The following MYOF variants were observed in gnomAD, a reference collection of about 807,000 sequenced individuals.
The protein encoded by MYOF is myoferlin.
In MYOF, 244 loss-of-function variants were observed where a neutral mutation model predicts 284.2. The ratio of observed to expected loss-of-function variants is 0.86; its 90% confidence interval spans 0.77 to 0.95. The LOEUF (loss-of-function observed/expected upper bound fraction) is 0.95, where lower values mean the gene tolerates loss of function less well. MYOF is among the 40% of genes least tolerant of loss of function. MYOF has a pLI of 0.00. For missense variants in MYOF, 2,496 were observed against 2,560.6 expected, an observed-to-expected ratio of 0.97 and a Z score of 0.54; for synonymous variants, 904 against 919.7, an observed-to-expected ratio of 0.98 and a Z score of 0.31.
At chr10:93,402,182 G>A (rs921319114) in intron 11 of MYOF, 50 bp downstream of exon 11, 2 of 1,483,406 alleles carry the variant, frequency 1.3e-6, no homozygotes, top group Non-Finnish European at 1.9e-6. Context: ...TTAACTCTTG[G>A]CCTTCTTTTT....
chr10:93,481,011 A>T lies in MYOF; in HGVS notation c.88+1096T>A, dbSNP rs74379196. Reference sequence around the variant, plus strand: ...CTCTCTGCCTTTCCCTCTCTTTCCCATCCCTCTTGCCAAGAAGTGAGTTGG... The same window carrying T: ...CTCTCTGCCTTTCCCTCTCTTTCCCTTCCCTCTTGCCAAGAAGTGAGTTGG... On this transcript the variant is annotated intron_variant, in intron 1 of 53. Coordinates refer to ENST00000359263, the MANE Select transcript of MYOF (RefSeq NM_013451.4). 6.4e-4 allele frequency among the ~76,000 whole-genome samples: 97 copies of T among 152,186 alleles called. 1 individual carries two copies. The highest frequency in any genetic ancestry group is 2.0e-3 in the African/African-American group (84 of 41,512).
intron 2 of MYOF, among the ~76,000 whole-genome samples, chr10:93,454,049 G>T (rs1028316147): frequency 2.2e-4 from 33 of 152,144 alleles, no homozygotes; most frequent in African/African-American, 7.5e-4. Flanking sequence ...AGGCGTAGTG[G>T]CATATGCCTG....
At chr10:93,329,332 C>G (rs1195184543) in intron 44 of MYOF, among the ~76,000 whole-genome samples, 1 of 152,096 alleles carries the variant, frequency 6.6e-6, no homozygotes, top group Non-Finnish European at 1.5e-5. Flanking sequence ...ACAGGAAATC[C>G]CTGCTATCAA....
intron 42 of MYOF, 68 bp downstream of exon 42, chr10:93,333,690 G>T: frequency 6.4e-7 from 1 of 1,569,458 alleles, no homozygotes; most frequent in South Asian, 1.2e-5. Flanking sequence ...GAAAGAACAT[G>T]ACAATTATTG....
chr10:93,404,426 G>A (rs2134100605), intron 7 of MYOF, among the ~76,000 whole-genome samples: 1 of 152,282 alleles, frequency 6.6e-6, no homozygotes, highest in Non-Finnish European at 1.5e-5. Flanking sequence ...TTGGAAAAAG[G>A]AGAAAAGGGT....
At chr10:93,419,076 G>A (rs1848250789) in intron 5 of MYOF, among the ~76,000 whole-genome samples, 2 of 152,148 alleles carry the variant, frequency 1.3e-5, no homozygotes, top group African/African-American at 4.8e-5. Flanking sequence ...CTACCCTCAG[G>A]AACATGCTTC....
intron 1 of MYOF, among the ~76,000 whole-genome samples, chr10:93,478,540 C>T (rs887285285): frequency 5.9e-5 from 9 of 152,080 alleles, no homozygotes; most frequent in Non-Finnish European, 1.5e-5. Context: ...AGAAGGGTCA[C>T]TCACGGTTGA....
In MYOF at chr10:93,310,537, G is replaced by A; in HGVS notation, c.5996C>T (p.Pro1999Leu). ...GAGAACAAAGAAGGCCTCTCACTTT[G>A]GTAAGTCCAGCTTGGGGTTCATGTT... ...EPNMNPKLDLPNRPETSFLWF... is the reference protein window; with the variant it reads ...EPNMNPKLDLLNRPETSFLWF... Residue 1999 changes from proline (P) to leucine (L), a missense_variant, in exon 52 of 54, where the codon CCA (proline) becomes CTA (leucine). By Grantham distance (98) the Pro-to-Leu change is moderately conservative. This residue lies in a region of MYOF where 2,436 missense variants were observed against 2,480.7 expected (regional missense o/e 0.98). Coordinates refer to ENST00000359263, the MANE Select transcript of MYOF (RefSeq NM_013451.4). 1 of 1,614,038 alleles carries A rather than the reference G, an allele frequency of 6.2e-7. No homozygotes were observed. Among genetic ancestry groups the A allele is most frequent in the Non-Finnish European group, 8.5e-7 (1 of 1,179,964 alleles).
Position 93,353,839 on chromosome 10 carries a change from G to A in MYOF, c.3453C>T (p.Leu1151=). ...AAAAGCTATCCTTATCTAAAGCCAA[G>A]AGGTTTCTGGCTTGATAGACATAGC... The part of the protein sequence containing the change: ...LRCYVYQARN[L]LALDKDSFSD... Residue 1151 remains leucine (L), a synonymous_variant, in exon 32 of 54, where the codon CTC becomes CTT. Coordinates refer to ENST00000359263, the MANE Select transcript of MYOF (RefSeq NM_013451.4). 6.2e-7 allele frequency: 1 copy of A among 1,610,560 alleles called. No individual in the cohort carries two copies.
chr10:93,433,219 G>A (rs972570052), intron 3 of MYOF, among the ~76,000 whole-genome samples: 1 of 152,116 alleles, frequency 6.6e-6, no homozygotes, highest in African/African-American at 2.4e-5. Context: ...GTGCAACGGC[G>A]TGATCTCAGC....
intron 5 of MYOF, among the ~76,000 whole-genome samples, chr10:93,423,559 T>C (rs1283710989): frequency 9.2e-6 from 1 of 109,062 alleles, no homozygotes; most frequent in Non-Finnish European, 1.7e-5. Context: ...AAAAGCCGAG[T>C]GCAGTGGTTT....
At chr10:93,471,686 C>T (rs1447853474) in intron 1 of MYOF, among the ~76,000 whole-genome samples, 2 of 152,088 alleles carry the variant, frequency 1.3e-5, no homozygotes, top group Non-Finnish European at 2.9e-5. Flanking sequence ...GTCAGGAGAT[C>T]GAGACCAGCC....
At chr10:93,477,397 C>T (rs1386274455) in intron 1 of MYOF, among the ~76,000 whole-genome samples, 1 of 151,828 alleles carries the variant, frequency 6.6e-6, no homozygotes, top group African/African-American at 2.4e-5. Flanking sequence ...GAGACTGAGG[C>T]AGGAGAATCA....
intron 1 of MYOF, among the ~76,000 whole-genome samples, chr10:93,473,156 G>C (rs871422): frequency 0.17 from 26,294 of 152,206 alleles, 2,603 homozygotes; most frequent in East Asian, 0.5. Context: ...ACAGAAAGAA[G>C]GGGGTTCTTT....
At chr10:93,325,997 G>A (rs1454043202) in intron 45 of MYOF, 32 bp from the exon 46 acceptor site, 1 of 1,613,566 alleles carries the variant, frequency 6.2e-7, no homozygotes, top group African/African-American at 1.3e-5. Flanking sequence ...AAGCAGGAAT[G>A]AGTATTTGGG....
chr10:93,437,752 A>G (rs1849194836), intron 3 of MYOF, among the ~76,000 whole-genome samples: 1 of 152,122 alleles, frequency 6.6e-6, no homozygotes, highest in Admixed American at 6.5e-5. Flanking sequence ...TCATTTTGGC[A>G]GGCCTATGGC....
intron 16 of MYOF, among the ~76,000 whole-genome samples, chr10:93,394,448 C>CTCTTTTTTTTTTTTT (rs1846871495): frequency 5.2e-4 from 15 of 28,694 alleles, no homozygotes; most frequent in Non-Finnish European, 7.2e-4. Context: ...ACCATCTTGT[C>CTCTTTTTTTTTTTTT]TTTTTTTTTT....
intron 11 of MYOF, 139 bp from the exon 12 acceptor site, chr10:93,401,683 G>A: frequency 1.8e-6 from 2 of 1,088,160 alleles, no homozygotes; most frequent in South Asian, 1.6e-5. Context: ...AGTTCAGCCT[G>A]CCATCAGCCA....
chr10:93,316,779 C>T lies in MYOF; in HGVS notation c.5633G>A (p.Arg1878Gln), dbSNP rs901151163. The part of the protein sequence containing the change: ...HFWSIDQTEF[R>Q]IPPRLIIQIW... ...CTGAATGATCAGCCTGGGTGGGATT[C>T]GAAATTCCGTTTGGTCAATACTCCA... The change falls in exon 50 of 54, where the codon CGA becomes CAA. Residue 1878 changes from arginine to glutamine, a missense_variant. Transcript: ENST00000359263. 12 of 1,613,712 alleles carry T rather than the reference C, an allele frequency of 7.4e-6. No homozygotes were observed. Among genetic ancestry groups the T allele is most frequent in the African/African-American group, 4.0e-5 (3 of 74,820 alleles).
Sources: gnomAD v4.1 joint callset for allele counts (sites outside exome capture counted in the v4.1 genomes callset) on GRCh38, gnomAD v4.1.1 for gene constraint, gnomAD v4.1.1 regional missense constraint, MANE v1.5 for transcripts, NCBI Gene and HGNC (gene_info 2026-07-23, HGNC 2026-07-21) for gene names.